TRIP12: variants seen among roughly 807,000 people sequenced by gnomAD.
The protein encoded by TRIP12 is thyroid hormone receptor interactor 12.
TRIP12 carries 25 observed loss-of-function variants against 244.2 expected under a neutral mutation model. That is an observed-to-expected ratio of 0.10 (90% CI 0.07 to 0.14). The LOEUF (loss-of-function observed/expected upper bound fraction) is 0.14. TRIP12 is among the 10% of genes least tolerant of loss of function. The probability of loss-of-function intolerance (pLI) is 1.00; values close to 1 mark genes in which losing one functional copy is unlikely to be tolerated. For missense variants in TRIP12, 1,677 were observed against 2,486.4 expected (o/e 0.67, Z 6.92); for synonymous variants, 905 against 873.1 (o/e 1.04, Z -0.64).
chr2:229,780,785 G>A (rs1478113526), intron 34 of TRIP12, among the ~76,000 whole-genome samples: 1 of 152,120 alleles, frequency 6.6e-6, no homozygotes. Flanking sequence ...TAACATATAT[G>A]TGTACATGAA....
chr2:229,840,821 C>A lies in TRIP12; in HGVS notation c.1133+1G>T. 6.4e-7 allele frequency: 1 copy of A among 1,555,152 alleles called. No homozygotes were observed. Among genetic ancestry groups the A allele is most frequent in the Non-Finnish European group, 8.6e-7 (1 of 1,156,792 alleles). On this transcript the variant is annotated splice_donor_variant, in intron 5 of 41. Coordinates refer to ENST00000675903, the MANE Select transcript of TRIP12 (RefSeq NM_001348323.3). LOFTEE classifies it high-confidence loss of function. Reference sequence around the variant, plus strand: ...ACTATAAAAAAAAAAAAACAAATTACCTGGTACTAGCACAGGAGCCCGTGG... The same window carrying A: ...ACTATAAAAAAAAAAAAACAAATTAACTGGTACTAGCACAGGAGCCCGTGG...
chr2:229,846,246 C>A (rs887993374), intron 4 of TRIP12, among the ~76,000 whole-genome samples: 4 of 152,090 alleles, frequency 2.6e-5, no homozygotes, highest in Non-Finnish European at 5.9e-5. Flanking sequence ...ATATTGAAAT[C>A]TTTCGTGGAA....
chr2:229,898,571 T>G (rs2069593935), intron 1 of TRIP12, among the ~76,000 whole-genome samples: 1 of 152,172 alleles, frequency 6.6e-6, no homozygotes, highest in African/African-American at 2.4e-5. Context: ...AAAGGGTAAA[T>G]TCAAATCAAA....
Position 229,789,608 on chromosome 2 carries a change from C to T in TRIP12, c.4695+3G>A. The T allele has an allele frequency of 6.2e-7, 1 of 1,612,116 alleles. No individual in the cohort carries two copies. Among genetic ancestry groups the T allele is most frequent in the Non-Finnish European group, 8.5e-7 (1 of 1,179,028 alleles). ...AACTTCATAAATAGGCAACATTACTCACATCATACAAGTAATACCAGTATC... is the reference window on the plus strand; with the variant it reads ...AACTTCATAAATAGGCAACATTACTTACATCATACAAGTAATACCAGTATC... On this transcript the variant is annotated splice_donor_region_variant and intron_variant, in intron 31 of 41. Coordinates refer to ENST00000675903, the MANE Select transcript of TRIP12 (RefSeq NM_001348323.3).
chr2:229,766,908 A>G lies in TRIP12; in HGVS notation c.*646T>C, dbSNP rs1302667651. ...AGTTACAAAAGCTGAATTATATTCA[A>G]TAAATTTCAATCCAATGAATTTTAA... is the stretch of plus-strand genomic sequence containing the variant. On this transcript the variant is annotated 3_prime_UTR_variant, in exon 42 of 42. Coordinates refer to ENST00000675903, the MANE Select transcript of TRIP12 (RefSeq NM_001348323.3). 2 of 152,240 alleles carry G rather than the reference A, an allele frequency of 1.3e-5. No homozygotes were observed. Among genetic ancestry groups the G allele is most frequent in the Non-Finnish European group, 2.9e-5 (2 of 68,048 alleles). The allele number at this position is 152,240 out of a possible 1,614,324, so 9.4% of individuals were successfully genotyped here. A position where few individuals can be genotyped will look rare whatever the true frequency, so the allele number is the denominator to read the frequency against.
At position 229,860,446 on chromosome 2, in the gene TRIP12, T is replaced by C. The variant is rs1205051702; in HGVS notation, c.184A>G (p.Asn62Asp). 6 of 1,611,818 alleles carry C rather than the reference T, an allele frequency of 3.7e-6. No individual in the cohort carries two copies. The highest frequency in any genetic ancestry group is 2.2e-5 in the East Asian group (1 of 44,824). The change falls in exon 3 of 42, where the codon AAT (asparagine) becomes GAT (aspartate). Residue 62 changes from asparagine to aspartate, a missense_variant. Around this residue, in one of 11 missense-constraint regions of TRIP12, gnomAD observed 387 missense variants for 392.6 expected, o/e 0.99. Coordinates refer to ENST00000675903, the MANE Select transcript of TRIP12 (RefSeq NM_001348323.3). Reference sequence around the variant, plus strand: ...CCCCTTGACAGTTCAGAAGTAGTATTAGACTGCACTTTGGGTGCCTTAGAA... The same window carrying C: ...CCCCTTGACAGTTCAGAAGTAGTATCAGACTGCACTTTGGGTGCCTTAGAA... ...SNSKAPKVQS[N>D]TTSELSRGHL...
At position 229,853,565 on chromosome 2, in the gene TRIP12, G is replaced by A. The variant is rs112418178; in HGVS notation, c.1027+5207C>T. Among the ~76,000 whole-genome samples, 809 of 152,236 alleles carry A rather than the reference G, an allele frequency of 5.3e-3. 9 individuals are homozygous for A. Among genetic ancestry groups the A allele is most frequent in the African/African-American group, 0.019 (780 of 41,510 alleles). Reference sequence around the variant, plus strand: ...CCAGCTACTTGGGAGGCTGAGACACGAGAATCACTTGAATCCAGGAGGGGG... The same window carrying A: ...CCAGCTACTTGGGAGGCTGAGACACAAGAATCACTTGAATCCAGGAGGGGG... On this transcript the variant is annotated intron_variant, in intron 4 of 41. Coordinates refer to ENST00000675903, the MANE Select transcript of TRIP12 (RefSeq NM_001348323.3).
chr2:229,781,906 C>T (rs1461186289), intron 34 of TRIP12, among the ~76,000 whole-genome samples: 1 of 152,100 alleles, frequency 6.6e-6, no homozygotes, highest in South Asian at 2.1e-4. Context: ...ACAGGTAAGA[C>T]CCATGAAGGA....
chr2:229,868,802 G>A (rs556760292), intron 2 of TRIP12, among the ~76,000 whole-genome samples: 1 of 152,306 alleles, frequency 6.6e-6, no homozygotes, highest in African/African-American at 2.4e-5. Flanking sequence ...TCATAGAGAT[G>A]CAAATAAGAA....
chr2:229,903,932 G>A (rs2071865248), intron 1 of TRIP12, among the ~76,000 whole-genome samples: 1 of 151,934 alleles, frequency 6.6e-6, no homozygotes, highest in Non-Finnish European at 1.5e-5. Context: ...CTACTCAGGA[G>A]GGCTGAGGCA....
In TRIP12 at chr2:229,777,496, A is replaced by G. The variant is rs182324399; in HGVS notation, c.5365-17T>C. 1.2e-6 allele frequency: 2 copies of G among 1,613,192 alleles called. No homozygotes were observed. The highest frequency in any genetic ancestry group is 2.2e-5 in the East Asian group (1 of 44,854). ...AAGGTCCACCTGAAATGGAATATGC[A>G]TAATATTTTCACTGTCACACTGAAC... On this transcript the variant is annotated splice_polypyrimidine_tract_variant and intron_variant, in intron 36 of 41. Coordinates refer to ENST00000675903, the MANE Select transcript of TRIP12 (RefSeq NM_001348323.3).
intron 1 of TRIP12, among the ~76,000 whole-genome samples, chr2:229,888,179 T>C (rs1018772987): frequency 6.6e-6 from 1 of 152,160 alleles, no homozygotes; most frequent in African/African-American, 2.4e-5. Context: ...ATGATACACA[T>C]GAGCAGAAAG....
intron 8 of TRIP12, among the ~76,000 whole-genome samples, chr2:229,823,240 A>T (rs1216827315): frequency 6.6e-6 from 1 of 152,252 alleles, no homozygotes; most frequent in East Asian, 1.9e-4. Flanking sequence ...AGTGAAGGGC[A>T]AGCACATTAA....
At chr2:229,798,839 G>A (rs1012381131) in intron 23 of TRIP12, 36 bp downstream of exon 23, 3 of 1,602,048 alleles carry the variant, frequency 1.9e-6, no homozygotes, top group East Asian at 2.2e-5. Context: ...TTTCTGATAT[G>A]GGAATAGAAG....
chr2:229,882,742 T>G (rs979657762), intron 1 of TRIP12, among the ~76,000 whole-genome samples: 2 of 152,248 alleles, frequency 1.3e-5, no homozygotes, highest in African/African-American at 2.4e-5. Flanking sequence ...AAACGCCTAC[T>G]GTATGTCATG....
chr2:229,818,309 C>T (rs1372884762), intron 9 of TRIP12, 55 bp downstream of exon 9: 28 of 1,562,244 alleles, frequency 1.8e-5, no homozygotes, highest in African/African-American at 2.7e-5. Context: ...AGTACAAAAT[C>T]GGCAGATTTC....
intron 38 of TRIP12, among the ~76,000 whole-genome samples, chr2:229,772,781 T>TTC (rs10628270): frequency 0.049 from 7,441 of 150,620 alleles, 609 homozygotes; most frequent in African/African-American, 0.17. Context: ...TTAACCTATA[T>TTC]TCTCTCTCTC....
intron 1 of TRIP12, among the ~76,000 whole-genome samples, chr2:229,899,814 G>C (rs1002061247): frequency 5.3e-5 from 8 of 152,202 alleles, no homozygotes; most frequent in African/African-American, 1.9e-4. Flanking sequence ...CTAGGGGCAT[G>C]AATGAATGAG....
chr2:229,787,294 C>T (rs2040343727), intron 33 of TRIP12, among the ~76,000 whole-genome samples: 2 of 151,908 alleles, frequency 1.3e-5, no homozygotes, highest in Admixed American at 1.3e-4. Flanking sequence ...GAAATTATTT[C>T]AGAAACTGGG....
Sources: gnomAD v4.1 joint callset for allele counts (sites outside exome capture counted in the v4.1 genomes callset) on GRCh38, gnomAD v4.1.1 for gene constraint, gnomAD v4.1.1 regional missense constraint, MANE v1.5 for transcripts, NCBI Gene and HGNC (gene_info 2026-07-23, HGNC 2026-07-21) for gene names.